The following BLNK variants were observed in gnomAD, a reference collection of about 807,000 sequenced individuals.
BLNK encodes the protein B cell linker.
A neutral mutation model predicts 73.5 loss-of-function variants in BLNK; 29 were observed. The ratio of observed to expected loss-of-function variants is 0.39; its 90% CI spans 0.29 to 0.54. BLNK has a LOEUF of 0.54. BLNK is among the 20% of genes least tolerant of loss of function. BLNK has a pLI of 0.61. For missense variants in BLNK, 460 were observed against 562.8 expected (o/e 0.82, Z 1.85); for synonymous variants, 176 against 200.8 (o/e 0.88, Z 1.04).
At chr10:96,193,264 CATA>C (rs2083373334) in intron 16 of BLNK, among the ~76,000 whole-genome samples, 1 of 152,118 alleles carries the variant, frequency 6.6e-6, no homozygotes, top group Non-Finnish European at 1.5e-5. Flanking sequence ...GCTTGTTTGG[CATA>C]ATATGTTGCT....
At chr10:96,211,018 T>C (rs2133986461) in intron 8 of BLNK, among the ~76,000 whole-genome samples, 1 of 152,060 alleles carries the variant, frequency 6.6e-6, no homozygotes, top group East Asian at 1.9e-4. Flanking sequence ...ACTACAGGCA[T>C]GCACCACCAC....
intron 13 of BLNK, among the ~76,000 whole-genome samples, chr10:96,203,420 G>T (rs1217791860): frequency 6.6e-6 from 1 of 152,062 alleles, no homozygotes; most frequent in East Asian, 1.9e-4. Context: ...TTATTTAAAT[G>T]GATTTAAGCT....
At chr10:96,212,242 A>G (rs2083965221) in intron 8 of BLNK, among the ~76,000 whole-genome samples, 1 of 151,990 alleles carries the variant, frequency 6.6e-6, no homozygotes. Context: ...ATGGAGCATG[A>G]CTCTTCATGG....
At chr10:96,262,741 C>T (rs1253151551) in intron 1 of BLNK, among the ~76,000 whole-genome samples, 4 of 152,210 alleles carry the variant, frequency 2.6e-5, no homozygotes, top group African/African-American at 9.7e-5. Context: ...ACACCTGAGT[C>T]AGTGTGGAAT....
rs374814844 is a variant in BLNK, at chr10:96,261,467, G to T, written c.47+9885C>A. Among the ~76,000 whole-genome samples, 131 of 152,242 alleles carry T rather than the reference G, an allele frequency of 8.6e-4. 3 individuals are homozygous for T. In the South Asian group the frequency reaches 0.027, roughly 31 times the overall value. ...TACTTTTGAGGTATTTTCATGAATA[G>T]CTTTTGTTTTCATCATGCTAAGAGG... On this transcript the variant is annotated intron_variant, in intron 1 of 16. Transcript: ENST00000224337.
rs377086170 is a variant in BLNK at position 96,246,976 on chromosome 10, G to T, written c.113+8C>A. 2.5e-6 allele frequency: 4 copies of T among 1,581,494 alleles called. No individual in the cohort carries two copies. In the South Asian group the frequency reaches 4.5e-5, roughly 18 times the overall value. ...TATAATTAAGTATTTAAATAGAGGC[G>T]AACTTACTTTTTGATTTTATTCATT... is the stretch of plus-strand genomic sequence containing the variant. On this transcript the variant is annotated splice_region_variant and intron_variant, in intron 2 of 16. Coordinates refer to ENST00000224337, the MANE Select transcript of BLNK (RefSeq NM_013314.4).
At chr10:96,195,112 A>T (rs2083432618) in intron 16 of BLNK, among the ~76,000 whole-genome samples, 2 of 152,210 alleles carry the variant, frequency 1.3e-5, no homozygotes, top group South Asian at 4.1e-4. Context: ...CTATCACCTT[A>T]CACCCATTTG....
At position 96,216,637 on chromosome 10, in the gene BLNK, G is replaced by A. The variant is rs1348801012; in HGVS notation, c.607+16C>T. On this transcript the variant is annotated intron_variant, in intron 7 of 16. Transcript: ENST00000224337. Reference sequence around the variant, plus strand: ...CTGCTAAAAATTTTCAGGTGCTTAAGGCGACAAACTCTTACCTTTTTCAGG... The same window carrying A: ...CTGCTAAAAATTTTCAGGTGCTTAAAGCGACAAACTCTTACCTTTTTCAGG... The A allele has an allele frequency of 1.2e-6, 2 of 1,613,086 alleles. No individual in the cohort carries two copies. The highest frequency in any genetic ancestry group is 1.3e-5 in the African/African-American group (1 of 74,862).
At chr10:96,226,461 G>T (rs1487333550) in intron 5 of BLNK, among the ~76,000 whole-genome samples, 1 of 152,168 alleles carries the variant, frequency 6.6e-6, no homozygotes, top group Admixed American at 6.5e-5. Flanking sequence ...TGCTGGCATC[G>T]CCATGACCAT....
intron 1 of BLNK, among the ~76,000 whole-genome samples, chr10:96,248,717 C>G (rs1843154890): frequency 6.6e-6 from 1 of 152,134 alleles, no homozygotes; most frequent in South Asian, 2.1e-4. Flanking sequence ...ACTCTGAAAA[C>G]AACCCAATGC....
At chr10:96,229,878 T>G (rs782236758) in intron 4 of BLNK, among the ~76,000 whole-genome samples, 2 of 152,072 alleles carry the variant, frequency 1.3e-5, no homozygotes, top group African/African-American at 2.4e-5. Flanking sequence ...AGACTCTGTA[T>G]AAACTCCAGG....
chr10:96,215,399 A>G lies in BLNK; in HGVS notation c.608-10T>C, dbSNP rs781814871. On this transcript the variant is annotated splice_polypyrimidine_tract_variant and intron_variant, in intron 7 of 16. Coordinates refer to ENST00000224337, the MANE Select transcript of BLNK (RefSeq NM_013314.4). ...CTATTCACCATGGGAGCTTAAACACAGAAATGTGTGTGTATATATATATAT... is the reference window on the plus strand; with the variant it reads ...CTATTCACCATGGGAGCTTAAACACGGAAATGTGTGTGTATATATATATAT... 2 of 1,595,624 alleles carry G rather than the reference A, an allele frequency of 1.3e-6. No individual in the cohort carries two copies. Among genetic ancestry groups the G allele is most frequent in the Admixed American group, 3.4e-5 (2 of 58,036 alleles).
At chr10:96,206,922 C>T (rs1839915199) in intron 11 of BLNK, 89 bp downstream of exon 11, 1 of 1,401,944 alleles carries the variant, frequency 7.1e-7, no homozygotes, top group African/African-American at 1.4e-5. Flanking sequence ...ACAATTGCCC[C>T]AAAAATAATG....
intron 1 of BLNK, among the ~76,000 whole-genome samples, chr10:96,254,699 C>A (rs553268445): frequency 1.3e-5 from 2 of 151,826 alleles, no homozygotes; most frequent in African/African-American, 4.8e-5. Context: ...TTAGTAGAGA[C>A]GGGGTTTCAC....
At chr10:96,245,663 T>G (rs921196594) in intron 2 of BLNK, among the ~76,000 whole-genome samples, 13 of 152,156 alleles carry the variant, frequency 8.5e-5, no homozygotes, top group African/African-American at 3.1e-4. Context: ...TACTAACAAA[T>G]AAAGATGTCC....
chr10:96,237,637 G>A (rs782256690), intron 3 of BLNK, among the ~76,000 whole-genome samples: 2 of 152,208 alleles, frequency 1.3e-5, no homozygotes, highest in African/African-American at 4.8e-5. Context: ...CCAGACCTCA[G>A]ACTTCAAAGA....
At chr10:96,257,125 C>T (rs1305885858) in intron 1 of BLNK, among the ~76,000 whole-genome samples, 2 of 152,056 alleles carry the variant, frequency 1.3e-5, no homozygotes, top group African/African-American at 2.4e-5. Flanking sequence ...TGAGATGTTT[C>T]GGGTCCAGTG....
At chr10:96,238,656 G>C (rs1054833420) in intron 3 of BLNK, among the ~76,000 whole-genome samples, 3 of 152,180 alleles carry the variant, frequency 2.0e-5, no homozygotes, top group African/African-American at 7.2e-5. Flanking sequence ...GAACTGGGGT[G>C]GGGGAGAGAA....
In BLNK at chr10:96,227,585, A is replaced by G; in HGVS notation, c.205-19T>C. 6.2e-7 allele frequency: 1 copy of G among 1,613,736 alleles called. No homozygotes were observed. Among genetic ancestry groups the G allele is most frequent in the South Asian group, 1.1e-5 (1 of 91,084 alleles). On this transcript the variant is annotated intron_variant, in intron 4 of 16. Coordinates refer to ENST00000224337, the MANE Select transcript of BLNK (RefSeq NM_013314.4). The stretch of plus-strand genomic sequence containing the variant: ...CGCTGTCCTGCAAGTGCAGATGCAG[A>G]CACTGTGCTCAGCATCCCCGTCTGT...
Sources: gnomAD v4.1 joint callset for allele counts (sites outside exome capture counted in the v4.1 genomes callset) on GRCh38, gnomAD v4.1.1 for gene constraint, MANE v1.5 for transcripts, NCBI Gene and HGNC (gene_info 2026-07-23, HGNC 2026-07-21) for gene names.